The following CCSER2 variants were observed in gnomAD, a reference collection of about 807,000 sequenced individuals.
CCSER2 encodes serine-rich coiled-coil domain-containing protein 2.
A neutral mutation model predicts 92.3 loss-of-function variants in CCSER2; 46 were observed. The observed-to-expected ratio is 0.50, with a 90% confidence interval of 0.39 to 0.64. The LOEUF (loss-of-function observed/expected upper bound fraction) is 0.64. Among genes scored for constraint, CCSER2 ranks in the 30% least tolerant of loss-of-function variants. The pLI, the probability that CCSER2 is intolerant of heterozygous loss-of-function variation, is 0.00. For synonymous variants in CCSER2, 433 were observed against 431.4 expected (o/e 1.00, Z -0.04); for missense variants, 1,244 against 1,238.9 (o/e 1.00, Z -0.06).
intron 3 of CCSER2, among the ~76,000 whole-genome samples, chr10:84,377,683 T>A (rs1406152888): frequency 6.6e-6 from 1 of 152,192 alleles, no homozygotes; most frequent in African/African-American, 2.4e-5. Context: ...TGCAGGGATT[T>A]TGAATGGGAT....
chr10:84,379,877 T>A (rs4301730), intron 3 of CCSER2, among the ~76,000 whole-genome samples: 1 of 152,008 alleles, frequency 6.6e-6, no homozygotes, highest in Non-Finnish European at 1.5e-5. Flanking sequence ...TGTATTTTTC[T>A]CTGTTCCCCT....
intron 1 of CCSER2, among the ~76,000 whole-genome samples, chr10:84,329,287 C>T (rs1427811632): frequency 1.3e-5 from 2 of 152,238 alleles, no homozygotes; most frequent in Non-Finnish European, 1.5e-5. Flanking sequence ...GATCTTCTCT[C>T]TTGTCTTTAG....
intron 1 of CCSER2, among the ~76,000 whole-genome samples, chr10:84,342,024 TCATTGGC>T (rs2133020066): frequency 6.6e-6 from 1 of 152,302 alleles, no homozygotes; most frequent in South Asian, 2.1e-4. Flanking sequence ...ATTGATTACA[TCATTGGC>T]CATTGGTGAT....
intron 1 of CCSER2, among the ~76,000 whole-genome samples, chr10:84,338,042 A>G (rs903104090): frequency 6.6e-6 from 1 of 152,152 alleles, no homozygotes; most frequent in Non-Finnish European, 1.5e-5. Context: ...GTACTTTGGG[A>G]GGCTGAGGCA....
At chr10:84,373,535 TATATC>T (rs1846178041) in intron 2 of CCSER2, 79 bp from the exon 3 acceptor site, 3 of 1,023,680 alleles carry the variant, frequency 2.9e-6, no homozygotes, top group South Asian at 3.3e-5. Context: ...TTTGCTATGA[TATATC>T]AAATTATTAG....
intron 4 of CCSER2, among the ~76,000 whole-genome samples, chr10:84,420,919 C>T (rs147689366): frequency 0.03 from 4,183 of 141,126 alleles, 59 homozygotes; most frequent in South Asian, 0.071. Flanking sequence ...GGCGACAGAG[C>T]GAGACTCCAT....
intron 3 of CCSER2, among the ~76,000 whole-genome samples, chr10:84,395,998 T>G (rs1841809952): frequency 6.6e-6 from 1 of 152,102 alleles, no homozygotes; most frequent in South Asian, 2.1e-4. Flanking sequence ...CACACACACT[T>G]CTCTTCTATA....
intron 1 of CCSER2, among the ~76,000 whole-genome samples, chr10:84,332,253 T>G (rs1843595478): frequency 6.6e-6 from 1 of 151,620 alleles, no homozygotes; most frequent in Non-Finnish European, 1.5e-5. Flanking sequence ...TAGTTTTATT[T>G]TCTCCTTTAT....
In CCSER2 at chr10:84,514,078, A is replaced by C; in HGVS notation, c.2955A>C (p.Ser985=). The change falls in exon 10 of 10, where the codon TCA becomes TCC. Residue 985 remains serine (S), a synonymous_variant. Coordinates refer to ENST00000372088, the MANE Select transcript of CCSER2 (RefSeq NM_001284240.2). ...AAGCATCTAAGCTCCGCCCCCCCTC[A>C]GGCTCTTTCAAACAAAAACAAACAA... ...NLKASKLRPP[S]GSFKQKQTNS... 1 of 1,536,228 alleles carries C rather than the reference A, an allele frequency of 6.5e-7. No individual in the cohort carries two copies. The highest frequency in any genetic ancestry group is 8.7e-7 in the Non-Finnish European group (1 of 1,146,928).
intron 1 of CCSER2, among the ~76,000 whole-genome samples, chr10:84,330,521 T>C (rs1383352599): frequency 6.6e-6 from 1 of 152,194 alleles, no homozygotes; most frequent in Non-Finnish European, 1.5e-5. Context: ...GGGTTTCTTT[T>C]GTGTTTTTTG....
At chr10:84,399,977 C>A (rs938772799) in intron 3 of CCSER2, among the ~76,000 whole-genome samples, 1 of 151,738 alleles carries the variant, frequency 6.6e-6, no homozygotes, top group Non-Finnish European at 1.5e-5. Flanking sequence ...GGTTTTGATT[C>A]GCTTAGTCTC....
intron 3 of CCSER2, chr10:84,374,079 C>A: frequency 1.3e-6 from 1 of 761,714 alleles, no homozygotes; most frequent in Non-Finnish European, 1.9e-6. Flanking sequence ...GTAGTTTAAT[C>A]TATGCCAGTG....
intron 5 of CCSER2, among the ~76,000 whole-genome samples, chr10:84,431,305 T>G (rs1185484725): frequency 2.0e-5 from 3 of 152,182 alleles, no homozygotes; most frequent in Non-Finnish European, 4.4e-5. Context: ...AATACTGATC[T>G]TTTTGCTGTT....
At chr10:84,336,184 A>G (rs958211440) in intron 1 of CCSER2, among the ~76,000 whole-genome samples, 4 of 152,142 alleles carry the variant, frequency 2.6e-5, no homozygotes, top group African/African-American at 7.2e-5. Flanking sequence ...GATGTTTTAC[A>G]TTCTAAATTC....
chr10:84,346,626 T>A (rs1449339855), intron 1 of CCSER2, among the ~76,000 whole-genome samples: 1 of 151,864 alleles, frequency 6.6e-6, no homozygotes, highest in Non-Finnish European at 1.5e-5. Context: ...GAAGAGTAGA[T>A]CCAGAACTGA....
At chr10:84,469,432 T>C (rs1846646352) in intron 7 of CCSER2, among the ~76,000 whole-genome samples, 1 of 152,120 alleles carries the variant, frequency 6.6e-6, no homozygotes, top group African/African-American at 2.4e-5. Flanking sequence ...TTATGTGATA[T>C]GTTCAAGGCT....
chr10:84,509,936 T>G (rs11201080), intron 9 of CCSER2, among the ~76,000 whole-genome samples: 53,568 of 151,998 alleles, frequency 0.35, 11,262 homozygotes, highest in Non-Finnish European at 0.47. Context: ...TTATGCCAAA[T>G]AGCTTGTGAT....
chr10:84,398,612 A>G (rs990281943), intron 3 of CCSER2, among the ~76,000 whole-genome samples: 10 of 152,172 alleles, frequency 6.6e-5, no homozygotes, highest in African/African-American at 2.4e-4. Flanking sequence ...ATTCCTGTTT[A>G]TTTTTAAAGT....
chr10:84,388,668 G>A (rs1464763723), intron 3 of CCSER2, among the ~76,000 whole-genome samples: 1 of 152,200 alleles, frequency 6.6e-6, no homozygotes, highest in Admixed American at 6.5e-5. Flanking sequence ...TTTTGGGGAA[G>A]ACAGTTTTTC....
Sources: allele counts gnomAD v4.1 joint callset (sites outside exome capture counted in the v4.1 genomes callset), GRCh38; gene constraint gnomAD v4.1.1; transcripts MANE v1.5; gene names NCBI Gene and HGNC (gene_info 2026-07-23, HGNC 2026-07-21).